The following DLEU7 variants were observed in gnomAD, a reference collection of about 807,000 sequenced individuals.
DLEU7 encodes leukemia-associated protein 7.
A neutral mutation model predicts 16.0 loss-of-function variants in DLEU7; 17 were observed. The observed-to-expected ratio is 1.06, with a 90% CI of 0.73 to 1.59. The LOEUF is 1.59. Among genes scored for constraint, DLEU7 ranks in the 40% most tolerant of loss-of-function variants. The pLI is 0.00. For missense variants in DLEU7, 308 were observed against 314.9 expected, an observed-to-expected ratio of 0.98 and a Z score of 0.17; for synonymous variants, 113 against 139.8, an observed-to-expected ratio of 0.81 and a Z score of 1.35.
chr13:50,788,999 T>G (rs942332265), intron 1 of DLEU7, among the ~76,000 whole-genome samples: 1 of 152,142 alleles, frequency 6.6e-6, no homozygotes, highest in African/African-American at 2.4e-5. Context: ...TCCCTCTGTA[T>G]GGCTGTAAAT....
intron 1 of DLEU7, among the ~76,000 whole-genome samples, chr13:50,767,373 G>A (rs1019281230): frequency 2.7e-5 from 4 of 150,786 alleles, no homozygotes; most frequent in Admixed American, 6.6e-5. Flanking sequence ...GGAGAATGGC[G>A]TGAACCCGGG....
chr13:50,832,117 G>C lies in DLEU7; in HGVS notation c.460-8597C>G, dbSNP rs562780368. 3.3e-5 allele frequency among the ~76,000 whole-genome samples: 5 copies of C among 152,156 alleles called. No homozygotes were observed. In the South Asian group the frequency reaches 8.3e-4, roughly 25 times the overall value. ...CAACTGTGAATCCATCTGGTCCTGG[G>C]CTTTTTTTAGTTGGTAGGTTATTAA... On this transcript the variant is annotated intron_variant, in intron 1 of 1. Transcript: ENST00000504404.
rs1481022033 is a variant in DLEU7, at chr13:50,823,514, C to A, written c.466G>T (p.Val156Phe). The change falls in exon 2 of 2, where the codon GTT becomes TTT. Residue 156 changes from valine (V) to phenylalanine (F), a missense_variant. By Grantham distance (50) the Val-to-Phe change is conservative. Transcript: ENST00000504404. ...RSFPIHLKDS[V>F]EFRNICSHLA... ...TGACTGCAGATGTTTCTAAACTCAACACTATCCTGAAATGAACAACAAACA... is the reference window on the plus strand; with the variant it reads ...TGACTGCAGATGTTTCTAAACTCAAAACTATCCTGAAATGAACAACAAACA... The A allele has an allele frequency of 6.5e-7, 1 of 1,535,638 alleles. No homozygotes were observed. Among genetic ancestry groups the A allele is most frequent in the Non-Finnish European group, 8.7e-7 (1 of 1,146,640 alleles).
intron 1 of DLEU7, among the ~76,000 whole-genome samples, chr13:50,723,990 T>C (rs1051230090): frequency 4.2e-4 from 64 of 152,070 alleles, no homozygotes; most frequent in Non-Finnish European, 1.0e-4. Context: ...TTTTTTCTTT[T>C]TGTTTCTCTG....
At chr13:50,815,538 C>T (rs2137794870) in intron 1 of DLEU7, among the ~76,000 whole-genome samples, 1 of 152,182 alleles carries the variant, frequency 6.6e-6, no homozygotes, top group South Asian at 2.1e-4. Context: ...AACTATTGAG[C>T]AGGTTCATTC....
At chr13:50,761,400 A>T (rs553453995) in intron 1 of DLEU7, among the ~76,000 whole-genome samples, 43 of 149,968 alleles carry the variant, frequency 2.9e-4, no homozygotes, top group Admixed American at 2.5e-3. Flanking sequence ...GGTGGAGTGG[A>T]ACAGTTAGGG....
intron 1 of DLEU7, among the ~76,000 whole-genome samples, chr13:50,731,715 A>C (rs1399762223): frequency 6.6e-6 from 1 of 152,204 alleles, no homozygotes; most frequent in Non-Finnish European, 1.5e-5. Context: ...AAGGAAAGGG[A>C]GGCTGTTTGT....
intron 1 of DLEU7, among the ~76,000 whole-genome samples, chr13:50,743,418 G>A (rs950559625): frequency 3.3e-5 from 5 of 152,150 alleles, no homozygotes; most frequent in Non-Finnish European, 7.4e-5. Flanking sequence ...TATAGGCTCT[G>A]GAGACAAACA....
chr13:50,820,659 A>C (rs1407127130), downstream of DLEU7, among the ~76,000 whole-genome samples: 3 of 152,150 alleles, frequency 2.0e-5, no homozygotes, highest in African/African-American at 7.2e-5. Flanking sequence ...AAGTTTGAAA[A>C]GGTGTGGAAG....
chr13:50,734,332 A>G (rs750493697), intron 1 of DLEU7, among the ~76,000 whole-genome samples: 2 of 152,224 alleles, frequency 1.3e-5, no homozygotes, highest in Non-Finnish European at 2.9e-5. Flanking sequence ...AAGTTCCAGA[A>G]AATGTTCAAA....
intron 1 of DLEU7, among the ~76,000 whole-genome samples, chr13:50,770,579 G>A (rs1325067039): frequency 6.6e-6 from 1 of 152,140 alleles, no homozygotes; most frequent in Non-Finnish European, 1.5e-5. Context: ...TATGTTTATT[G>A]ATTTGCATAT....
chr13:50,752,052 C>CTTTTTTTTTTTTTT (rs200928092), intron 1 of DLEU7, among the ~76,000 whole-genome samples: 1 of 135,756 alleles, frequency 7.4e-6, no homozygotes. Context: ...CTCTTTCAGT[C>CTTTTTTTTTTTTTT]TTTTTTTTTT....
At chr13:50,751,420 G>A (rs953012013) in intron 1 of DLEU7, among the ~76,000 whole-genome samples, 2 of 152,102 alleles carry the variant, frequency 1.3e-5, no homozygotes, top group Non-Finnish European at 2.9e-5. Context: ...TCCTGGTTTT[G>A]GTATTAGGGT....
At chr13:50,807,526 G>A (rs1344717050) in intron 1 of DLEU7, among the ~76,000 whole-genome samples, 2 of 151,228 alleles carry the variant, frequency 1.3e-5, no homozygotes, top group East Asian at 1.9e-4. Flanking sequence ...TTAAGGTAAT[G>A]TATTATCCTA....
chr13:50,717,770 C>T (rs1271372827), intron 1 of DLEU7, among the ~76,000 whole-genome samples: 1 of 152,080 alleles, frequency 6.6e-6, no homozygotes, highest in African/African-American at 2.4e-5. Flanking sequence ...ATGCCCAAGG[C>T]AGCCAGACAC....
chr13:50,822,879 T>C (rs1876957028), downstream of DLEU7: 1 of 989,140 alleles, frequency 1.0e-6, no homozygotes, highest in Admixed American at 5.7e-5. Flanking sequence ...AACAAAGCAA[T>C]TATCAAATAT....
chr13:50,832,794 A>G (rs574101252), intron 1 of DLEU7, among the ~76,000 whole-genome samples: 16 of 152,298 alleles, frequency 1.1e-4, no homozygotes, highest in African/African-American at 3.6e-4. Flanking sequence ...TGCGGTTCTG[A>G]GTGAGTTTCT....
chr13:50,727,182 AAAG>A (rs1314709847), intron 1 of DLEU7, among the ~76,000 whole-genome samples: 1 of 151,790 alleles, frequency 6.6e-6, no homozygotes, highest in African/African-American at 2.4e-5. Context: ...TTACCCAAAA[AAAG>A]AATAAGAAGT....
At chr13:50,805,423 A>G (rs1331634589) in intron 1 of DLEU7, among the ~76,000 whole-genome samples, 1 of 152,062 alleles carries the variant, frequency 6.6e-6, no homozygotes, top group Non-Finnish European at 1.5e-5. Flanking sequence ...TAGTTTTTTA[A>G]TGTGTAATTG....
Sources: gnomAD v4.1 joint callset for allele counts (sites outside exome capture counted in the v4.1 genomes callset) on GRCh38, gnomAD v4.1.1 for gene constraint, MANE v1.5 for transcripts, NCBI Gene and HGNC (gene_info 2026-07-23, HGNC 2026-07-21) for gene names.